BRAF: variants seen among roughly 807,000 people sequenced by gnomAD.
The protein encoded by BRAF is B-Raf proto-oncogene, serine/threonine kinase, also known as serine/threonine-protein kinase B-raf.
In BRAF, 16 loss-of-function variants were observed where a neutral mutation model predicts 104.6. The observed-to-expected ratio is 0.15, with a 90% CI of 0.10 to 0.23. The LOEUF (loss-of-function observed/expected upper bound fraction) is 0.23, where lower values mean the gene tolerates loss of function less well. Ranked by LOEUF, BRAF falls within the 10% of genes least tolerant of loss-of-function variation. The pLI, the probability that BRAF is intolerant of heterozygous loss-of-function variation, is 1.00. For synonymous variants in BRAF, 310 were observed against 341.6 expected, an observed-to-expected ratio of 0.91 and a Z score of 1.02; for missense variants, 541 against 937.3, an observed-to-expected ratio of 0.58 and a Z score of 5.52.
At chr7:140,824,847 G>A (rs745587979) in intron 3 of BRAF, among the ~76,000 whole-genome samples, 4 of 152,058 alleles carry the variant, frequency 2.6e-5, no homozygotes, top group South Asian at 2.1e-4. Context: ...AGGGTATCGC[G>A]TGCCTATTTA....
At chr7:140,764,042 T>C (rs1799058331) in intron 14 of BRAF, among the ~76,000 whole-genome samples, 1 of 152,008 alleles carries the variant, frequency 6.6e-6, no homozygotes, top group South Asian at 2.1e-4. Flanking sequence ...GATGCAAAAA[T>C]CCTCAATAAA....
chr7:140,718,267 A>C (rs10252905), downstream of BRAF, among the ~76,000 whole-genome samples: 2,227 of 144,316 alleles, frequency 0.015, 60 homozygotes, highest in African/African-American at 0.051. Flanking sequence ...GCTTTTTTTT[A>C]TTTCTTTCTG....
intron 7 of BRAF, among the ~76,000 whole-genome samples, chr7:140,798,559 CTTTTTT>C (rs1033928919): frequency 1.6e-5 from 2 of 125,344 alleles, no homozygotes; most frequent in Admixed American, 1.6e-4. Flanking sequence ...CGCGCCCGGC[CTTTTTT>C]TTTTTTTTTT....
chr7:140,878,083 A>G (rs1188959610), intron 1 of BRAF, among the ~76,000 whole-genome samples: 1 of 152,130 alleles, frequency 6.6e-6, no homozygotes, highest in Admixed American at 6.5e-5. Flanking sequence ...TTATACACCA[A>G]TATCCCTCTT....
intron 11 of BRAF, among the ~76,000 whole-genome samples, chr7:140,782,181 T>C (rs973454522): frequency 1.3e-5 from 2 of 152,216 alleles, no homozygotes; most frequent in Admixed American, 6.5e-5. Context: ...GTCCTTGTGA[T>C]ACTTTGCTCA....
intron 1 of BRAF, among the ~76,000 whole-genome samples, chr7:140,873,528 T>A (rs1304132904): frequency 1.3e-5 from 2 of 152,110 alleles, no homozygotes; most frequent in Non-Finnish European, 2.9e-5. Flanking sequence ...CTGACCAATC[T>A]CTCCCTCTGT....
At chr7:140,872,631 G>A (rs1016804425) in intron 1 of BRAF, among the ~76,000 whole-genome samples, 2 of 152,210 alleles carry the variant, frequency 1.3e-5, no homozygotes. Context: ...GAGGTGGGAG[G>A]ACTGCTTGAG....
intron 18 of BRAF, among the ~76,000 whole-genome samples, chr7:140,737,952 A>T (rs1019493170): frequency 6.6e-6 from 1 of 152,222 alleles, no homozygotes. Context: ...AATATCATTT[A>T]AAAAGTGGGC....
intron 18 of BRAF, 99 bp downstream of exon 17, chr7:140,739,713 C>A (rs576801042): frequency 1.1e-5 from 16 of 1,424,616 alleles, no homozygotes; most frequent in Non-Finnish European, 1.6e-5. Context: ...ACATAGAATC[C>A]AAACTCATGA....
chr7:140,873,351 G>C (rs759662802), intron 1 of BRAF, among the ~76,000 whole-genome samples: 3 of 151,948 alleles, frequency 2.0e-5, no homozygotes, highest in Admixed American at 2.0e-4. Flanking sequence ...TGTATCTTTA[G>C]TACAGACAGG....
chr7:140,898,596 T>C (rs1815228139), intron 1 of BRAF, among the ~76,000 whole-genome samples: 1 of 152,206 alleles, frequency 6.6e-6, no homozygotes, highest in African/African-American at 2.4e-5. Flanking sequence ...TTGCAAAACA[T>C]CGTTCCATTA....
In BRAF at chr7:140,783,060, T is replaced by C; in HGVS notation, c.1395A>G (p.Glu465=). The C allele has an allele frequency of 6.2e-7, 1 of 1,614,054 alleles. No individual in the cohort carries two copies. The highest frequency in any genetic ancestry group is 1.1e-5 in the South Asian group (1 of 91,078). The change falls in exon 11 of 20, where the codon GAA becomes GAG. Residue 465 remains glutamate, a synonymous_variant. Coordinates refer to ENST00000644969, the MANE Select transcript of BRAF (RefSeq NM_001374258.1). ...ALQKSPGPQR[E]RKSSSSSEDR... is the part of the protein sequence containing the mutation. ...CTTCTGAGGATGAAGATGACTTCCTTTCTCGCTGAGGTCCTGGAGATTTCT... is the reference window on the plus strand; with the variant it reads ...CTTCTGAGGATGAAGATGACTTCCTCTCTCGCTGAGGTCCTGGAGATTTCT...
At chr7:140,831,280 T>C (rs1806712663) in intron 3 of BRAF, among the ~76,000 whole-genome samples, 1 of 152,200 alleles carries the variant, frequency 6.6e-6, no homozygotes, top group South Asian at 2.1e-4. Flanking sequence ...AGCAGTTTGT[T>C]TTCCAAACAG....
chr7:140,800,481 A>G lies in BRAF; in HGVS notation c.861T>C (p.Asp287=), dbSNP rs761326211. 2.0e-5 allele frequency: 32 copies of G among 1,614,056 alleles called. No homozygotes were observed. The highest frequency in any genetic ancestry group is 2.6e-5 in the Non-Finnish European group (31 of 1,180,024). ...PLMCVNYDQL[D]LLFVSKFFEH... ...CAAAGAACTTGGAGACAAACAGCAAACTGTGAGGCAAAACAAAACAAACCT... is the reference window on the plus strand; with the variant it reads ...CAAAGAACTTGGAGACAAACAGCAAGCTGTGAGGCAAAACAAAACAAACCT... Residue 287 remains aspartate (D), a splice_region_variant and synonymous_variant, in exon 7 of 20, where the codon GAT becomes GAC. Coordinates refer to ENST00000644969, the MANE Select transcript of BRAF (RefSeq NM_001374258.1).
intron 3 of BRAF, among the ~76,000 whole-genome samples, chr7:140,813,913 A>ACC (rs1554405463): frequency 7.3e-5 from 11 of 151,624 alleles, no homozygotes; most frequent in African/African-American, 2.4e-4. Context: ...ACACACACAC[A>ACC]CCCTCCTTAA....
At chr7:140,802,019 T>C (rs577959029) in intron 5 of BRAF, among the ~76,000 whole-genome samples, 8 of 152,108 alleles carry the variant, frequency 5.3e-5, no homozygotes, top group Admixed American at 3.9e-4. Context: ...CTAATAAAAA[T>C]ATTGGGGGAG....
chr7:140,813,057 A>G (rs1014637212), intron 3 of BRAF, among the ~76,000 whole-genome samples: 2 of 152,140 alleles, frequency 1.3e-5, no homozygotes, highest in African/African-American at 2.4e-5. Flanking sequence ...CACCTACATA[A>G]AGCTAAAAAA....
chr7:140,787,233 G>A (rs931995758), intron 9 of BRAF, among the ~76,000 whole-genome samples: 12 of 149,870 alleles, frequency 8.0e-5, no homozygotes, highest in Non-Finnish European at 1.2e-4. Context: ...CCCGGGAGGC[G>A]GAGCTTGCAG....
chr7:140,721,258 T>G lies in BRAF; in HGVS notation c.*5236A>C. On this transcript the variant is annotated 3_prime_UTR_variant, in exon 20 of 20. Transcript: ENST00000644969. ...TTGTGGATGTTAAATAAAAGTACTT[T>G]AGTCACTCATTGAGTTGCCGACTAA... 3 of 1,117,430 alleles carry G rather than the reference T, an allele frequency of 2.7e-6. No homozygotes were observed. The highest frequency in any genetic ancestry group is 4.5e-5 in the South Asian group (1 of 22,468). 69.2% of individuals were successfully genotyped at this position (1,117,430 alleles called of 1,614,324 possible).
Sources: gnomAD v4.1 joint callset for allele counts (sites outside exome capture counted in the v4.1 genomes callset) on GRCh38, gnomAD v4.1.1 for gene constraint, MANE v1.5 for transcripts, NCBI Gene and HGNC (gene_info 2026-07-23, HGNC 2026-07-21) for gene names.